NDE1: variants seen among roughly 807,000 people sequenced by gnomAD.
NDE1 encodes the protein nudE neurodevelopment protein 1, also known as nuclear distribution protein nudE homolog 1.
A neutral mutation model predicts 43.4 loss-of-function variants in NDE1; 28 were observed. That is an observed-to-expected ratio of 0.65 (90% CI 0.48 to 0.89). NDE1 has a LOEUF of 0.89. Ranked by LOEUF, NDE1 falls within the 40% of genes least tolerant of loss-of-function variation. NDE1 has a pLI of 0.00. For missense variants in NDE1, 441 were observed against 434.1 expected (o/e 1.02, Z -0.14); for synonymous variants, 184 against 172.0 (o/e 1.07, Z -0.55).
chr16:15,725,987 C>A lies in NDE1; in HGVS notation c.*1736C>A, dbSNP rs909433485. On this transcript the variant is annotated 3_prime_UTR_variant, in exon 9 of 9. Transcript: ENST00000396354. ...CTACCCCCAACCCCAGCTGGGCACT[C>A]CAGCTCTACTGGCTGTATGTCTCTC... 6 of 319,382 alleles carry A rather than the reference C, an allele frequency of 1.9e-5. No individual in the cohort carries two copies. Among genetic ancestry groups the A allele is most frequent in the Admixed American group, 5.0e-5 (1 of 20,050 alleles). 19.8% of individuals were successfully genotyped at this position (319,382 alleles called of 1,614,324 possible).
At position 15,656,519 on chromosome 16, in the gene NDE1, T is replaced by TTTATTA. The variant is rs58046044; in HGVS notation, c.-44+6244_-44+6249dup. 1.5e-3 allele frequency among the ~76,000 whole-genome samples: 223 copies of TTTATTA among 151,230 alleles called. 2 individuals carry two copies. The highest frequency in any genetic ancestry group is 8.0e-3 in the Admixed American group (121 of 15,146). On this transcript the variant is annotated intron_variant, in intron 1 of 8. Transcript: ENST00000396354. The stretch of plus-strand genomic sequence containing the variant: ...ACAGTGTTTTAAGAGGCTCTTTTCT[T>TTTATTA]TTATTATTATTATTATTATTATTAC...
intron 8 of NDE1, among the ~76,000 whole-genome samples, chr16:15,698,122 T>C (rs2039094027): frequency 6.6e-6 from 1 of 152,130 alleles, no homozygotes. Context: ...TTTTTAAATC[T>C]GTAGAACCTT....
intron 8 of NDE1, among the ~76,000 whole-genome samples, chr16:15,716,185 AGCCTCCCAAAGT>A (rs1359960420): frequency 1.3e-5 from 2 of 152,104 alleles, no homozygotes; most frequent in African/African-American, 4.8e-5. Context: ...CACCTACCTC[AGCCTCCCAAAGT>A]GCCGGGATTA....
At chr16:15,703,938 G>GTT in intron 8 of NDE1, 1 of 1,612,400 alleles carries the variant, frequency 6.2e-7, no homozygotes, top group Non-Finnish European at 8.5e-7. Context: ...TTTTTTGTTT[G>GTT]TTTGTTTTGG....
intron 7 of NDE1, among the ~76,000 whole-genome samples, chr16:15,695,290 C>A (rs555242127): frequency 7.0e-6 from 1 of 143,144 alleles, no homozygotes; most frequent in African/African-American, 2.7e-5. Flanking sequence ...GGTGGATCAC[C>A]TGAAGTCAGG....
intron 8 of NDE1, among the ~76,000 whole-genome samples, chr16:15,723,049 A>G (rs1452218403): frequency 6.6e-6 from 1 of 152,152 alleles, no homozygotes; most frequent in Non-Finnish European, 1.5e-5. Context: ...TGGCCTCTCA[A>G]ACTGATTTTT....
intron 8 of NDE1, chr16:15,717,168 G>A: frequency 6.2e-7 from 1 of 1,614,166 alleles, no homozygotes; most frequent in Non-Finnish European, 8.5e-7. Context: ...TGCTCCTCCA[G>A]CTGTGCAATC....
At chr16:15,704,972 C>A (rs79741230) in intron 8 of NDE1, among the ~76,000 whole-genome samples, 1 of 152,162 alleles carries the variant, frequency 6.6e-6, no homozygotes, top group Non-Finnish European at 1.5e-5. Flanking sequence ...GGCCACCACA[C>A]CTGGCCTTCA....
At chr16:15,690,373 T>C (rs2038690095) in intron 5 of NDE1, among the ~76,000 whole-genome samples, 1 of 121,352 alleles carries the variant, frequency 8.2e-6, no homozygotes, top group African/African-American at 3.5e-5. Context: ...TTTTTTTTTT[T>C]TTTTTTTTGA....
Position 15,720,184 on chromosome 16 carries a change from C to T in NDE1, c.948-4007C>T, listed in dbSNP as rs199638486. The T allele has an allele frequency of 9.2e-5, 148 of 1,614,000 alleles. 2 individuals carry two copies. Among genetic ancestry groups the T allele is most frequent in the Non-Finnish European group, 1.1e-4 (128 of 1,180,036 alleles). On this transcript the variant is annotated intron_variant, in intron 8 of 8. Coordinates refer to ENST00000396354, the MANE Select transcript of NDE1 (RefSeq NM_017668.3). ...TGCGTAGCTGCTTGATGGCTTCCTC[C>T]CTCCCCTTGATGGCAGAGTCGGCCT...
At chr16:15,661,381 C>T (rs1039574635) in intron 1 of NDE1, among the ~76,000 whole-genome samples, 4 of 152,146 alleles carry the variant, frequency 2.6e-5, no homozygotes, top group Admixed American at 2.0e-4. Context: ...ATCTCCTAAC[C>T]TCGTGATCCA....
chr16:15,644,727 A>G (rs2036277015), intron 1 of NDE1, among the ~76,000 whole-genome samples: 1 of 152,224 alleles, frequency 6.6e-6, no homozygotes, highest in Non-Finnish European at 1.5e-5. Context: ...GCTTTTTTCA[A>G]AGTACCAAAC....
At chr16:15,707,001 C>G (rs1259080303) in intron 8 of NDE1, among the ~76,000 whole-genome samples, 1 of 152,002 alleles carries the variant, frequency 6.6e-6, no homozygotes, top group Non-Finnish European at 1.5e-5. Flanking sequence ...AACTAAGGGA[C>G]CCCCCTAAAG....
intron 3 of NDE1, among the ~76,000 whole-genome samples, chr16:15,673,678 G>A (rs1381602441): frequency 6.6e-6 from 1 of 151,898 alleles, no homozygotes; most frequent in African/African-American, 2.4e-5. Flanking sequence ...GACTGCAGGT[G>A]CATGCCACCA....
At chr16:15,716,721 C>T (rs1011848698) in intron 8 of NDE1, among the ~76,000 whole-genome samples, 2 of 152,124 alleles carry the variant, frequency 1.3e-5, no homozygotes, top group African/African-American at 4.8e-5. Context: ...ACCATGTTGG[C>T]CAGGCCGGTC....
intron 6 of NDE1, among the ~76,000 whole-genome samples, chr16:15,691,837 C>T (rs1172598941): frequency 6.6e-6 from 1 of 151,838 alleles, no homozygotes; most frequent in Non-Finnish European, 1.5e-5. Context: ...CCATGTCGCC[C>T]AGGCTGGTAT....
chr16:15,679,027 AG>A (rs1212194628), intron 4 of NDE1, among the ~76,000 whole-genome samples: 1 of 152,106 alleles, frequency 6.6e-6, no homozygotes, highest in Non-Finnish European at 1.5e-5. Flanking sequence ...TAGTGAGCCG[AG>A]ATTGCGCCAC....
intron 1 of NDE1, among the ~76,000 whole-genome samples, chr16:15,657,294 T>G (rs2036819385): frequency 6.6e-6 from 1 of 152,032 alleles, no homozygotes. Context: ...AAATGGAGTT[T>G]CACCATGTTG....
At chr16:15,665,729 G>C (rs1292189963) in intron 2 of NDE1, among the ~76,000 whole-genome samples, 1 of 149,828 alleles carries the variant, frequency 6.7e-6, no homozygotes, top group Non-Finnish European at 1.5e-5. Context: ...ACAGGCATGA[G>C]CCACCATGCC....
Sources: gnomAD v4.1 joint callset for allele counts (sites outside exome capture counted in the v4.1 genomes callset) on GRCh38, gnomAD v4.1.1 for gene constraint, MANE v1.5 for transcripts, NCBI Gene and HGNC (gene_info 2026-07-23, HGNC 2026-07-21) for gene names.